CCDC91: variants seen among roughly 807,000 people sequenced by gnomAD.
CCDC91 encodes the protein coiled-coil domain containing 91, also known as coiled-coil domain-containing protein 91.
Under a neutral mutation model 63.2 loss-of-function variants are expected in CCDC91, and 48 were observed. That is an observed-to-expected ratio of 0.76 (90% CI 0.60 to 0.97). The LOEUF is 0.97. Ranked by LOEUF, CCDC91 falls within the 50% of genes least tolerant of loss-of-function variation. The probability of loss-of-function intolerance (pLI) is 0.00; values close to 1 mark genes in which losing one functional copy is unlikely to be tolerated. For missense variants in CCDC91, 500 were observed against 494.6 expected, an observed-to-expected ratio of 1.01 and a Z score of -0.10; for synonymous variants, 167 against 165.8, an observed-to-expected ratio of 1.01 and a Z score of -0.06.
intron 12 of CCDC91, among the ~76,000 whole-genome samples, chr12:28,522,744 A>G (rs1940846481): frequency 6.6e-6 from 1 of 152,142 alleles, no homozygotes; most frequent in Admixed American, 6.5e-5. Context: ...CACTGCTTTC[A>G]ATGTGTCCCA....
At chr12:28,372,047 T>C (rs1944654556) in intron 7 of CCDC91, among the ~76,000 whole-genome samples, 1 of 152,202 alleles carries the variant, frequency 6.6e-6, no homozygotes, top group Admixed American at 6.5e-5. Flanking sequence ...GTTTTATTCT[T>C]CTATATGTGG....
chr12:28,276,207 ATGTT>A (rs1248603331), intron 3 of CCDC91, among the ~76,000 whole-genome samples: 2 of 151,972 alleles, frequency 1.3e-5, no homozygotes, highest in African/African-American at 2.4e-5. Flanking sequence ...GTATGTATGT[ATGTT>A]TGTGTGTGTA....
rs541649278 is a variant in CCDC91, at chr12:28,353,475, G to A, written c.577-8963G>A. On this transcript the variant is annotated intron_variant, in intron 6 of 12. Transcript: ENST00000536442. ...CTTTTCATATGCCTTCCTCACTAAG[G>A]TTAATTATTTCTAGCTTTTGATTTA... Among the ~76,000 whole-genome samples the A allele has an allele frequency of 8.5e-5, 13 of 152,136 alleles. No individual in the cohort carries two copies. The East Asian group carries it at 2.1e-3, about 25-fold the overall frequency.
In CCDC91 at chr12:28,549,320, G is replaced by T; in HGVS notation, c.*147G>T. The stretch of plus-strand genomic sequence containing the variant: ...CAAGGATAAACCAAAACAATATTTA[G>T]AACTATCAAGTGATCTAATTTATTT... On this transcript the variant is annotated 3_prime_UTR_variant, in exon 13 of 13. Transcript: ENST00000536442. 2.0e-6 allele frequency: 1 copy of T among 505,372 alleles called. No homozygotes were observed. Among genetic ancestry groups the T allele is most frequent in the South Asian group, 3.4e-5 (1 of 29,596 alleles). The allele number at this position is 505,372 out of a possible 1,614,324, so 31.3% of individuals were successfully genotyped here.
intron 8 of CCDC91, among the ~76,000 whole-genome samples, chr12:28,402,495 G>T: frequency 7.9e-6 from 1 of 126,400 alleles, no homozygotes; most frequent in Non-Finnish European, 1.6e-5. Flanking sequence ...CTACAAGTTT[G>T]CTGAATCACT....
chr12:28,417,328 T>C (rs1194302050), intron 8 of CCDC91, among the ~76,000 whole-genome samples: 1 of 152,102 alleles, frequency 6.6e-6, no homozygotes, highest in Non-Finnish European at 1.5e-5. Flanking sequence ...ACAAACACAA[T>C]CATGCAGCTA....
At chr12:28,264,546 T>C (rs1355989429) in intron 3 of CCDC91, among the ~76,000 whole-genome samples, 1 of 149,224 alleles carries the variant, frequency 6.7e-6, no homozygotes, top group Non-Finnish European at 1.5e-5. Context: ...TGTATATATA[T>C]GTGTATAAGA....
intron 6 of CCDC91, among the ~76,000 whole-genome samples, chr12:28,325,686 A>T (rs1940925823): frequency 6.6e-6 from 1 of 151,954 alleles, no homozygotes; most frequent in East Asian, 1.9e-4. Context: ...AGGCATAAGA[A>T]ACAGCCAAGG....
At chr12:28,270,136 G>A (rs1255596612) in intron 3 of CCDC91, among the ~76,000 whole-genome samples, 1 of 151,744 alleles carries the variant, frequency 6.6e-6, no homozygotes, top group African/African-American at 2.4e-5. Context: ...TTTTTTTGGA[G>A]TGACTGTGTT....
chr12:28,237,873 A>G (rs1945071809), intron 1 of CCDC91, among the ~76,000 whole-genome samples: 1 of 152,226 alleles, frequency 6.6e-6, no homozygotes, highest in Non-Finnish European at 1.5e-5. Context: ...TGACTTGAAC[A>G]TATTCACATG....
intron 12 of CCDC91, among the ~76,000 whole-genome samples, chr12:28,507,901 A>G (rs1177998249): frequency 6.6e-6 from 1 of 151,940 alleles, no homozygotes; most frequent in African/African-American, 2.4e-5. Context: ...TGATCCCTTA[A>G]GGAGCTCTGG....
intron 1 of CCDC91, among the ~76,000 whole-genome samples, chr12:28,249,087 T>C (rs1232035032): frequency 1.3e-5 from 2 of 152,170 alleles, no homozygotes; most frequent in Non-Finnish European, 2.9e-5. Flanking sequence ...GGCCAGGCTA[T>C]TTGCTTTGAT....
intron 1 of CCDC91, among the ~76,000 whole-genome samples, chr12:28,234,172 T>G (rs943676487): frequency 6.6e-6 from 1 of 152,190 alleles, no homozygotes; most frequent in African/African-American, 2.4e-5. Context: ...AAATGGATAG[T>G]CATGAAAATG....
At chr12:28,211,139 T>G (rs1345004371) in intron 1 of CCDC91, among the ~76,000 whole-genome samples, 1 of 150,160 alleles carries the variant, frequency 6.7e-6, no homozygotes, top group African/African-American at 2.5e-5. Flanking sequence ...AATTCTTTTT[T>G]GTGTTAATTA....
At chr12:28,273,237 C>T (rs1490601358) in intron 3 of CCDC91, among the ~76,000 whole-genome samples, 2 of 152,128 alleles carry the variant, frequency 1.3e-5, no homozygotes, top group Non-Finnish European at 2.9e-5. Context: ...TCCAGTCTAT[C>T]ATTGCTGGAC....
At chr12:28,192,980 A>G (rs1941393166) in intron 1 of CCDC91, among the ~76,000 whole-genome samples, 1 of 152,118 alleles carries the variant, frequency 6.6e-6, no homozygotes, top group Non-Finnish European at 1.5e-5. Flanking sequence ...CTGGTATGTT[A>G]TGTAAATGGA....
rs575262203 is a variant in CCDC91, at chr12:28,221,367, GTGTC to G, written c.-15+30730_-15+30733del. ...GATTCTCTCCATCTCTCTCATTTCT[GTGTC>G]TGTTTCTATCAAGTGATTTTTCTCC... On this transcript the variant is annotated intron_variant, in intron 1 of 12. Coordinates refer to ENST00000536442, the MANE Select transcript of CCDC91 (RefSeq NM_018318.5). Among the ~76,000 whole-genome samples, 184 of 151,942 alleles carry G rather than the reference GTGTC, an allele frequency of 1.2e-3. 3 individuals are homozygous for G. The highest frequency in any genetic ancestry group is 4.2e-3 in the African/African-American group (175 of 41,430).
At chr12:28,256,897 G>A (rs1289653749) in intron 1 of CCDC91, 1 of 260,924 alleles carries the variant, frequency 3.8e-6, no homozygotes, top group Non-Finnish European at 7.3e-6. Context: ...CAAAAAGCAG[G>A]AAGCATTATT....
intron 6 of CCDC91, among the ~76,000 whole-genome samples, chr12:28,361,054 T>C (rs1256484055): frequency 1.1e-4 from 17 of 151,684 alleles, no homozygotes; most frequent in Admixed American, 1.0e-3. Flanking sequence ...ATATATTTTG[T>C]AATATCTTTT....
Sources: gnomAD v4.1 joint callset for allele counts (sites outside exome capture counted in the v4.1 genomes callset) on GRCh38, gnomAD v4.1.1 for gene constraint, MANE v1.5 for transcripts, NCBI Gene and HGNC (gene_info 2026-07-23, HGNC 2026-07-21) for gene names.